Variants in E2F5 observed in about 807,000 individuals in gnomAD.
E2F5 encodes E2F transcription factor 5.
E2F5 carries 23 observed loss-of-function variants against 39.1 expected under a neutral mutation model. The observed-to-expected ratio is 0.59, with a 90% CI of 0.42 to 0.83. E2F5 has a LOEUF of 0.83. E2F5 is among the 40% of genes least tolerant of loss of function. E2F5 has a pLI of 0.00. For missense variants in E2F5, 365 were observed against 406.7 expected, an observed-to-expected ratio of 0.90 and a Z score of 0.88; for synonymous variants, 145 against 157.8, an observed-to-expected ratio of 0.92 and a Z score of 0.61.
intron 2 of E2F5, among the ~76,000 whole-genome samples, chr8:85,202,856 C>CA (rs1297413652): frequency 6.6e-6 from 1 of 151,870 alleles, no homozygotes; most frequent in Non-Finnish European, 1.5e-5. Context: ...TTCCAGATGA[C>CA]AAAAAAACAC....
chr8:85,200,466 T>A, intron 1 of E2F5: 1 of 289,004 alleles, frequency 3.5e-6, no homozygotes, highest in Non-Finnish European at 5.2e-6. Context: ...AACTTTGAGC[T>A]AAAAATTAAA....
chr8:85,210,763 T>G (rs1047126809), intron 6 of E2F5, among the ~76,000 whole-genome samples: 2 of 152,092 alleles, frequency 1.3e-5, no homozygotes, highest in African/African-American at 4.8e-5. Flanking sequence ...GGGTTTTACC[T>G]GGGTTAGCTT....
intron 4 of E2F5, among the ~76,000 whole-genome samples, chr8:85,206,758 T>A (rs1024735294): frequency 6.6e-6 from 1 of 152,104 alleles, no homozygotes; most frequent in Non-Finnish European, 1.5e-5. Flanking sequence ...ATAACTAAAA[T>A]GGGGGGACGT....
intron 1 of E2F5, among the ~76,000 whole-genome samples, chr8:85,178,538 C>T (rs1023272768): frequency 6.6e-6 from 1 of 152,078 alleles, no homozygotes; most frequent in Non-Finnish European, 1.5e-5. Context: ...GTGGTCACTC[C>T]GCGCGAAGTT....
intron 1 of E2F5, among the ~76,000 whole-genome samples, chr8:85,199,628 AC>A (rs1812650904): frequency 1.3e-5 from 2 of 152,190 alleles, no homozygotes; most frequent in Non-Finnish European, 1.5e-5. Context: ...GAATTCACAC[AC>A]AACTTTTTCA....
At position 85,177,559 on chromosome 8, in the gene E2F5, G is replaced by A. The variant is rs749449900; in HGVS notation, c.139G>A (p.Gly47Ser). Residue 47 changes from glycine to serine, a missense_variant, in exon 1 of 8, where the codon GGC becomes AGC. Gly to Ser is a moderately conservative substitution (Grantham distance 56). Transcript: ENST00000416274. ...GCCGCAGCTCGGGGGCGCCGGGGGC[G>A]GCAGCAGCAGGCACGAGAAGAGCCT... The part of the protein sequence containing the change: ...PPPQLGGAGG[G>S]SSRHEKSLGL... The A allele has an allele frequency of 3.7e-5, 46 of 1,259,586 alleles. No homozygotes were observed. The Admixed American group carries it at 5.0e-4, about 14-fold the overall frequency. The allele number at this position is 1,259,586 out of a possible 1,614,324, so 78.0% of individuals were successfully genotyped here.
intron 1 of E2F5, among the ~76,000 whole-genome samples, chr8:85,186,844 G>GTATA (rs1563976949): frequency 6.8e-6 from 1 of 147,360 alleles, no homozygotes; most frequent in African/African-American, 2.5e-5. Flanking sequence ...TATGTAAGGT[G>GTATA]TATATATATG....
chr8:85,203,168 T>C lies in E2F5; in HGVS notation c.419T>C (p.Leu140Pro). ...TATCTTAAAGCTGAAATTGAAGATC[T>C]AGAACTGAAGGAAAGAGAACTTGAT... ...LRYLKAEIED[L>P]ELKERELDQQ... Residue 140 changes from leucine (L) to proline (P), a missense_variant, in exon 3 of 8, where the codon CTA (leucine) becomes CCA (proline). Physicochemically the swap from Leu to Pro is moderately conservative, Grantham distance 98 (BLOSUM62 -3). Transcript: ENST00000416274. The C allele has an allele frequency of 1.2e-6, 2 of 1,607,444 alleles. No homozygotes were observed. The highest frequency in any genetic ancestry group is 1.7e-6 in the Non-Finnish European group (2 of 1,176,662).
chr8:85,179,250 G>C (rs897710846), intron 1 of E2F5, among the ~76,000 whole-genome samples: 1 of 152,192 alleles, frequency 6.6e-6, no homozygotes, highest in African/African-American at 2.4e-5. Flanking sequence ...AAGAAAATCA[G>C]GGAAGTTTGG....
chr8:85,214,163 G>T lies in E2F5; in HGVS notation c.*301G>T. On this transcript the variant is annotated 3_prime_UTR_variant, in exon 8 of 8. Coordinates refer to ENST00000416274, the MANE Select transcript of E2F5 (RefSeq NM_001951.4). The stretch of plus-strand genomic sequence containing the variant: ...CCTTCTGTTTTTTCTTCTTAAGGAG[G>T]AAAGTTAAAGGACACTACAGGTCAT... 1.9e-6 allele frequency: 1 copy of T among 536,504 alleles called. No homozygotes were observed. Among genetic ancestry groups the T allele is most frequent in the Non-Finnish European group, 3.6e-6 (1 of 281,394 alleles). 33.2% of individuals were successfully genotyped at this position (536,504 alleles called of 1,614,324 possible).
intron 1 of E2F5, among the ~76,000 whole-genome samples, chr8:85,181,416 C>G (rs1409904787): frequency 1.3e-5 from 2 of 151,446 alleles, no homozygotes; most frequent in East Asian, 3.9e-4. Context: ...CTGCAAGCTC[C>G]GCCTCCTGGG....
intron 1 of E2F5, among the ~76,000 whole-genome samples, chr8:85,191,953 G>T (rs1398098425): frequency 6.6e-6 from 1 of 152,142 alleles, no homozygotes; most frequent in Non-Finnish European, 1.5e-5. Flanking sequence ...GGGTACATTT[G>T]AGAGGCTATA....
intron 1 of E2F5, among the ~76,000 whole-genome samples, chr8:85,182,512 G>A (rs889241191): frequency 2.0e-5 from 3 of 152,156 alleles, no homozygotes; most frequent in African/African-American, 4.8e-5. Flanking sequence ...TTGCATAAGG[G>A]CATGGAAAAA....
At chr8:85,183,263 A>G (rs1159830933) in intron 1 of E2F5, among the ~76,000 whole-genome samples, 1 of 152,200 alleles carries the variant, frequency 6.6e-6, no homozygotes, top group Non-Finnish European at 1.5e-5. Flanking sequence ...AAAAACAGCA[A>G]CAACGACAAC....
chr8:85,191,341 T>G (rs1812458742), intron 1 of E2F5, among the ~76,000 whole-genome samples: 1 of 152,154 alleles, frequency 6.6e-6, no homozygotes, highest in South Asian at 2.1e-4. Flanking sequence ...AGAATAAATT[T>G]GAGAGATCTA....
In E2F5 at chr8:85,212,210, T is replaced by C. The variant is rs756223877; in HGVS notation, c.931+6T>C. The C allele has an allele frequency of 5.0e-6, 8 of 1,601,658 alleles. No homozygotes were observed. The highest frequency in any genetic ancestry group is 6.8e-6 in the Non-Finnish European group (8 of 1,170,564). On this transcript the variant is annotated splice_donor_region_variant and intron_variant, in intron 7 of 7. Coordinates refer to ENST00000416274, the MANE Select transcript of E2F5 (RefSeq NM_001951.4). ...TGAGTTAATGTCTTCTGACGGTAAG[T>C]AGGTTAAAATTTTACTAACTCACTT... is the stretch of plus-strand genomic sequence containing the variant.
intron 6 of E2F5, among the ~76,000 whole-genome samples, chr8:85,211,694 C>G (rs1812927505): frequency 7.3e-6 from 1 of 136,790 alleles, no homozygotes; most frequent in African/African-American, 2.9e-5. Context: ...CTTTGTCAGC[C>G]AGGCTGGAAT....
chr8:85,180,118 T>A (rs1490634677), intron 1 of E2F5, among the ~76,000 whole-genome samples: 1 of 151,812 alleles, frequency 6.6e-6, no homozygotes, highest in East Asian at 1.9e-4. Context: ...CCTCCCGGGT[T>A]CAAGCGATTC....
chr8:85,196,429 A>G (rs1288033781), intron 1 of E2F5, among the ~76,000 whole-genome samples: 1 of 152,098 alleles, frequency 6.6e-6, no homozygotes, highest in African/African-American at 2.4e-5. Flanking sequence ...ATTTTTTGTT[A>G]CTGTTTATTA....
Sources: allele counts gnomAD v4.1 joint callset (sites outside exome capture counted in the v4.1 genomes callset), GRCh38; gene constraint gnomAD v4.1.1; transcripts MANE v1.5; gene names NCBI Gene and HGNC (gene_info 2026-07-23, HGNC 2026-07-21).